Variants in CD1C observed in about 807,000 individuals in gnomAD.
CD1C encodes the protein CD1c molecule, also known as T-cell surface glycoprotein CD1c.
Under a neutral mutation model 39.4 loss-of-function variants are expected in CD1C, and 47 were observed. That is an observed-to-expected ratio of 1.19 (90% CI 0.94 to 1.52). The LOEUF is 1.52. Among genes scored for constraint, CD1C ranks in the 40% most tolerant of loss-of-function variants. The pLI is 0.00. For synonymous variants in CD1C, 165 were observed against 150.8 expected (o/e 1.09, Z -0.69); for missense variants, 417 against 395.2 (o/e 1.06, Z -0.47).
chr1:158,292,121 G>T lies in CD1C; in HGVS notation c.366G>T (p.Leu122=). The T allele has an allele frequency of 6.2e-7, 1 of 1,614,088 alleles. No individual in the cohort carries two copies. Among genetic ancestry groups the T allele is most frequent in the Non-Finnish European group, 8.5e-7 (1 of 1,180,016 alleles). Residue 122 remains leucine, a synonymous_variant, in exon 3 of 6, where the codon CTG becomes CTT. Coordinates refer to ENST00000368170, the MANE Select transcript of CD1C (RefSeq NM_001765.3). The stretch of plus-strand genomic sequence containing the variant: ...TACAGGTGAAAGCGGGCTGTGAGCT[G>T]CATTCTGGAAAGAGCCCAGAAGGCT... ...FEVQVKAGCE[L]HSGKSPEGFF...
chr1:158,291,103 C>G, intron 1 of CD1C, 31 bp from the exon 2 acceptor site: 1 of 1,547,384 alleles, frequency 6.5e-7, no homozygotes, highest in South Asian at 1.2e-5. Flanking sequence ...TTTTTTTTTC[C>G]TTACACTACT....
At chr1:158,290,509 A>T (rs1417884792) in intron 1 of CD1C, among the ~76,000 whole-genome samples, 1 of 152,182 alleles carries the variant, frequency 6.6e-6, no homozygotes. Context: ...GAAGGGAAGT[A>T]GATAAGATGG....
rs370791324 is a variant in CD1C, at chr1:158,292,057, C to G, written c.329-27C>G. 3.2e-6 allele frequency: 5 copies of G among 1,587,218 alleles called. No homozygotes were observed. In the African/African-American group the frequency reaches 6.8e-5, roughly 22 times the overall value. ...TTGTTTTCACTTTTTTGTTTGAACT[C>G]TTTTTCTCATTCCTCCCTTCCTCCA... On this transcript the variant is annotated intron_variant, in intron 2 of 5. Transcript: ENST00000368170.
intron 4 of CD1C, 61 bp downstream of exon 4, chr1:158,292,935 GA>G (rs913895196): frequency 3.9e-6 from 6 of 1,538,098 alleles, no homozygotes; most frequent in Non-Finnish European, 3.6e-6. Context: ...TAGGGGAGAG[GA>G]AATTTTGAGG....
Position 158,293,285 on chromosome 1 carries a change from A to G in CD1C, c.963A>G (p.Leu321=). ...VPLVILIVLV[L]WFKKHCSYQD... is the part of the protein sequence containing the mutation. ...TGGTGATTCTAATAGTCCTTGTGTT[A>G]TGGTTTAAGAAGCACTGGTGAGTTT... Residue 321 remains leucine (L), a synonymous_variant, in exon 5 of 6, where the codon TTA becomes TTG. Transcript: ENST00000368170. 4 of 1,613,728 alleles carry G rather than the reference A, an allele frequency of 2.5e-6. No individual in the cohort carries two copies. The highest frequency in any genetic ancestry group is 3.4e-6 in the Non-Finnish European group (4 of 1,179,782).
In CD1C at chr1:158,291,119, T is replaced by A; in HGVS notation, c.62-15T>A. Reference sequence around the variant, plus strand: ...TTTTTTTTCCTTACACTACTTGCCCTTCTTCCACCAAAAGCATCCCAGGAA... The same window carrying A: ...TTTTTTTTCCTTACACTACTTGCCCATCTTCCACCAAAAGCATCCCAGGAA... On this transcript the variant is annotated splice_polypyrimidine_tract_variant and intron_variant, in intron 1 of 5. Coordinates refer to ENST00000368170, the MANE Select transcript of CD1C (RefSeq NM_001765.3). The A allele has an allele frequency of 1.2e-6, 2 of 1,609,224 alleles. No homozygotes were observed. Among genetic ancestry groups the A allele is most frequent in the Non-Finnish European group, 1.7e-6 (2 of 1,176,372 alleles).
chr1:158,293,076 T>C (rs1651109764), intron 4 of CD1C, 136 bp from the exon 5 acceptor site: 1 of 913,124 alleles, frequency 1.1e-6, no homozygotes, highest in African/African-American at 1.7e-5. Flanking sequence ...CTTGAGTAAG[T>C]TTTGGAATAG....
rs1651137264 is a variant in CD1C at position 158,293,677 on chromosome 1, A to C, written c.*201A>C. The C allele has an allele frequency of 1.6e-6, 2 of 1,264,018 alleles. No individual in the cohort carries two copies. Among genetic ancestry groups the C allele is most frequent in the Non-Finnish European group, 2.2e-6 (2 of 897,056 alleles). The allele number at this position is 1,264,018 out of a possible 1,614,324, so 78.3% of individuals were successfully genotyped here. A position where few individuals can be genotyped will look rare whatever the true frequency, so the allele number is the denominator to read the frequency against. On this transcript the variant is annotated 3_prime_UTR_variant, in exon 6 of 6. Transcript: ENST00000368170. ...TTTTTATATAGCACTCAACCTTCAA[A>C]GCCCATTTCTGATGTCATTTCCTCC...
Position 158,293,922 on chromosome 1 carries a change from A to T in CD1C, c.*446A>T, listed in dbSNP as rs544747156. ...CTAAGTTGGATTAACTGTCATGTTG[A>T]CAATTTTTCTCATTATATTCCTTCC... On this transcript the variant is annotated 3_prime_UTR_variant, in exon 6 of 6. Coordinates refer to ENST00000368170, the MANE Select transcript of CD1C (RefSeq NM_001765.3). Among the ~76,000 whole-genome samples the T allele has an allele frequency of 2.6e-5, 4 of 152,356 alleles. No homozygotes were observed. The highest frequency in any genetic ancestry group is 9.6e-5 in the African/African-American group (4 of 41,580).
At chr1:158,290,503 G>A (rs1169310993) in intron 1 of CD1C, among the ~76,000 whole-genome samples, 1 of 152,170 alleles carries the variant, frequency 6.6e-6, no homozygotes, top group African/African-American at 2.4e-5. Flanking sequence ...GTTGAGGAAG[G>A]GAAGTAGATA....
intron 2 of CD1C, 44 bp downstream of exon 2, chr1:158,291,444 T>C: frequency 1.3e-6 from 2 of 1,588,502 alleles, no homozygotes. Flanking sequence ...TAGAATGTTC[T>C]ATTTCAGGGA....
In CD1C at chr1:158,293,773, C is replaced by T. The variant is rs1651140359; in HGVS notation, c.*297C>T. On this transcript the variant is annotated 3_prime_UTR_variant, in exon 6 of 6. Coordinates refer to ENST00000368170, the MANE Select transcript of CD1C (RefSeq NM_001765.3). ...GTTATGTGCATGCAACACTTCCTAC[C>T]CTGTGTTGCAGCTACTTGAGTCTTT... is the stretch of plus-strand genomic sequence containing the variant. 3.5e-6 allele frequency: 2 copies of T among 577,342 alleles called. No homozygotes were observed. Among genetic ancestry groups the T allele is most frequent in the Non-Finnish European group, 6.1e-6 (2 of 328,524 alleles). 35.8% of individuals were successfully genotyped at this position (577,342 alleles called of 1,614,324 possible).
At position 158,292,306 on chromosome 1, in the gene CD1C, C is replaced by A; in HGVS notation, c.551C>A (p.Thr184Asn). 1 of 1,614,214 alleles carries A rather than the reference C, an allele frequency of 6.2e-7. No homozygotes were observed. Among genetic ancestry groups the A allele is most frequent in the Admixed American group, 1.7e-5 (1 of 60,032 alleles). Reference sequence around the variant, plus strand: ...ACAGTGTATAATCTCATAAGAAGCACTTGCCCCCGATTTCTCTTGGGTCTC... The same window carrying A: ...ACAGTGTATAATCTCATAAGAAGCAATTGCCCCCGATTTCTCTTGGGTCTC... ...TETVYNLIRS[T>N]CPRFLLGLLD... Residue 184 changes from threonine (T) to asparagine (N), a missense_variant, in exon 3 of 6, where the codon ACT becomes AAT. Physicochemically the swap from Thr to Asn is moderately conservative, Grantham distance 65. Transcript: ENST00000368170.
chr1:158,292,100 G>A lies in CD1C; in HGVS notation c.345G>A (p.Gln115=). 6.2e-7 allele frequency: 1 copy of A among 1,613,988 alleles called. No individual in the cohort carries two copies. The highest frequency in any genetic ancestry group is 8.5e-7 in the Non-Finnish European group (1 of 1,179,954). Residue 115 remains glutamine (Q), a synonymous_variant, in exon 3 of 6, where the codon CAG becomes CAA. Coordinates refer to ENST00000368170, the MANE Select transcript of CD1C (RefSeq NM_001765.3). ...QDYSKYPFEV[Q]VKAGCELHSG... is the part of the protein sequence containing the mutation. Reference sequence around the variant, plus strand: ...TTCCTCCAGATCCCTTTGAAGTACAGGTGAAAGCGGGCTGTGAGCTGCATT... The same window carrying A: ...TTCCTCCAGATCCCTTTGAAGTACAAGTGAAAGCGGGCTGTGAGCTGCATT...
chr1:158,291,994 T>C, intron 2 of CD1C, 90 bp from the exon 3 acceptor site: 1 of 1,333,024 alleles, frequency 7.5e-7, no homozygotes, highest in Non-Finnish European at 1.0e-6. Context: ...AAAACTTTCT[T>C]GCTTCACTTC....
At chr1:158,292,916 C>T in intron 4 of CD1C, 42 bp downstream of exon 4, 1 of 1,599,866 alleles carries the variant, frequency 6.3e-7, no homozygotes, top group Non-Finnish European at 8.5e-7. Context: ...GGTTCTTGAG[C>T]CTAGAGGTTA....
At chr1:158,292,496 G>T (rs750177141) in intron 3 of CD1C, 100 bp from the exon 4 acceptor site, 181 of 1,489,564 alleles carry the variant, frequency 1.2e-4, no homozygotes, top group Non-Finnish European at 1.5e-4. Flanking sequence ...TTTCTTAGAG[G>T]CAGGAAAAAG....
Position 158,289,994 on chromosome 1 carries a change from G to A in CD1C, c.-71G>A, listed in dbSNP as rs144436529. On this transcript the variant is annotated 5_prime_UTR_variant, in exon 1 of 6. Transcript: ENST00000368170. Reference sequence around the variant, plus strand: ...AGAAGGAAGTCAGAATATAGGTACAGAGGGATAAGTTTGCTAAGAACAGAG... The same window carrying A: ...AGAAGGAAGTCAGAATATAGGTACAAAGGGATAAGTTTGCTAAGAACAGAG... The A allele has an allele frequency of 6.4e-6, 9 of 1,399,714 alleles. No homozygotes were observed. In the East Asian group the frequency reaches 2.1e-4, roughly 32 times the overall value. 86.7% of individuals were successfully genotyped at this position (1,399,714 alleles called of 1,614,324 possible). A position where few individuals can be genotyped will look rare whatever the true frequency, so the allele number is the denominator to read the frequency against.
At position 158,291,310 on chromosome 1, in the gene CD1C, G is replaced by T; in HGVS notation, c.238G>T (p.Glu80Ter). ...NWSKGNFSNE[E>*]LSDLELLFRF... ...GTCCAAGGGCAACTTCAGCAATGAA[G>T]AGTTGTCAGACCTAGAGTTGTTATT... The change falls in exon 2 of 6, where the codon GAG (glutamate) becomes TAG (stop). Residue 80 changes from glutamate to a stop codon, truncating the protein, a stop_gained. Transcript: ENST00000368170. LOFTEE classifies it high-confidence loss of function. The T allele has an allele frequency of 6.2e-7, 1 of 1,614,170 alleles. No homozygotes were observed. Among genetic ancestry groups the T allele is most frequent in the Non-Finnish European group, 8.5e-7 (1 of 1,180,018 alleles).
Sources: gnomAD v4.1 joint callset for allele counts (sites outside exome capture counted in the v4.1 genomes callset) on GRCh38, gnomAD v4.1.1 for gene constraint, MANE v1.5 for transcripts, NCBI Gene and HGNC (gene_info 2026-07-23, HGNC 2026-07-21) for gene names.